USP12: variants seen among roughly 807,000 people sequenced by gnomAD.
USP12 encodes the protein ubiquitin carboxyl-terminal hydrolase 12.
A neutral mutation model predicts 45.5 loss-of-function variants in USP12; 19 were observed. The observed-to-expected ratio is 0.42, with a 90% confidence interval of 0.29 to 0.61. The LOEUF (loss-of-function observed/expected upper bound fraction) is 0.61, where lower values mean the gene tolerates loss of function less well. Ranked by LOEUF, USP12 falls within the 20% of genes least tolerant of loss-of-function variation. USP12 has a pLI of 0.22. For synonymous variants in USP12, 149 were observed against 148.8 expected, an observed-to-expected ratio of 1.00 and a Z score of -0.01; for missense variants, 242 against 447.7, an observed-to-expected ratio of 0.54 and a Z score of 4.15.
intron 1 of USP12, among the ~76,000 whole-genome samples, chr13:27,141,312 G>T (rs1038443455): frequency 2.0e-5 from 3 of 152,048 alleles, no homozygotes; most frequent in African/African-American, 7.2e-5. Flanking sequence ...ACCATGTCCG[G>T]CTGTGAAGTC....
At chr13:27,119,902 G>C (rs1875906616) in intron 1 of USP12, among the ~76,000 whole-genome samples, 1 of 152,242 alleles carries the variant, frequency 6.6e-6, no homozygotes, top group South Asian at 2.1e-4. Context: ...TTCTGCAGAT[G>C]CAGGAGAAGC....
chr13:27,164,101 A>G (rs1183575529), intron 1 of USP12, among the ~76,000 whole-genome samples: 1 of 152,148 alleles, frequency 6.6e-6, no homozygotes, highest in Non-Finnish European at 1.5e-5. Context: ...AAAAAAAAAA[A>G]ATCACTAGCA....
intron 1 of USP12, among the ~76,000 whole-genome samples, chr13:27,167,847 T>TC (rs1320079205): frequency 6.6e-6 from 1 of 152,138 alleles, no homozygotes; most frequent in Non-Finnish European, 1.5e-5. Flanking sequence ...CAGCTTTCCT[T>TC]TTTTTCAGTA....
At chr13:27,097,355 C>T (rs968173109) in intron 3 of USP12, among the ~76,000 whole-genome samples, 2 of 152,156 alleles carry the variant, frequency 1.3e-5, no homozygotes, top group Admixed American at 6.6e-5. Flanking sequence ...ATCCCAGCTA[C>T]TTGGGAAGCT....
Position 27,098,704 on chromosome 13 carries a change from C to T in USP12, c.344-2874G>A, listed in dbSNP as rs9579069. ...CCAGGTATCGATGCCAGGTAAGTAT[C>T]TGTGCATGTACCAAAACAAGCATAA... is the stretch of plus-strand genomic sequence containing the variant. On this transcript the variant is annotated intron_variant, in intron 3 of 8. Transcript: ENST00000282344. 8.9e-4 allele frequency among the ~76,000 whole-genome samples: 135 copies of T among 152,288 alleles called. No individual in the cohort carries two copies. The Middle Eastern group carries it at 0.014, about 15-fold the overall frequency.
chr13:27,091,418 A>G (rs1874307771), intron 4 of USP12, among the ~76,000 whole-genome samples: 1 of 152,200 alleles, frequency 6.6e-6, no homozygotes, highest in African/African-American at 2.4e-5. Flanking sequence ...AAAAACCTAG[A>G]CACAAGGATG....
chr13:27,142,860 C>A (rs976279664), intron 1 of USP12, among the ~76,000 whole-genome samples: 1 of 152,002 alleles, frequency 6.6e-6, no homozygotes, highest in Non-Finnish European at 1.5e-5. Flanking sequence ...TTTGGGAGGC[C>A]GAGGCAGGCT....
chr13:27,142,161 G>A (rs565764703), intron 1 of USP12, among the ~76,000 whole-genome samples: 79 of 152,238 alleles, frequency 5.2e-4, no homozygotes, highest in African/African-American at 1.9e-3. Flanking sequence ...CAATGACAGT[G>A]AAGACAGTGA....
At chr13:27,103,330 G>A (rs1163162562) in intron 3 of USP12, among the ~76,000 whole-genome samples, 1 of 151,928 alleles carries the variant, frequency 6.6e-6, no homozygotes. Flanking sequence ...CAATTCTCAA[G>A]GGAAAATTCA....
At position 27,069,375 on chromosome 13, in the gene USP12, C is replaced by A; in HGVS notation, c.1021G>T (p.Ala341Ser). Residue 341 changes from alanine (A) to serine (S), a missense_variant, in exon 9 of 9, where the codon GCA (alanine) becomes TCA (serine). This residue lies in a region of USP12 where 94 missense variants were observed against 168.3 expected (regional missense o/e 0.56). Coordinates refer to ENST00000282344, the MANE Select transcript of USP12 (RefSeq NM_182488.4). ...FDDDIVEKID[A>S]QAIEEFYGLT... Reference sequence around the variant, plus strand: ...CCGTAGAATTCTTCAATAGCTTGTGCATCTATTTTCTGTGAGGTAAAATGT... The same window carrying A: ...CCGTAGAATTCTTCAATAGCTTGTGAATCTATTTTCTGTGAGGTAAAATGT... 1 of 1,612,810 alleles carries A rather than the reference C, an allele frequency of 6.2e-7. No homozygotes were observed. The highest frequency in any genetic ancestry group is 1.3e-5 in the African/African-American group (1 of 74,996).
intron 1 of USP12, among the ~76,000 whole-genome samples, chr13:27,140,013 C>G (rs1876985757): frequency 6.6e-6 from 1 of 152,218 alleles, no homozygotes; most frequent in Admixed American, 6.5e-5. Flanking sequence ...TAAAACTGCA[C>G]TCCCTACCTG....
At chr13:27,140,863 ACT>A (rs1877020438) in intron 1 of USP12, among the ~76,000 whole-genome samples, 1 of 152,062 alleles carries the variant, frequency 6.6e-6, no homozygotes, top group Non-Finnish European at 1.5e-5. Context: ...AAAATGACAC[ACT>A]AAAATTAGAG....
chr13:27,102,323 T>G (rs1255348091), intron 3 of USP12, among the ~76,000 whole-genome samples: 1 of 152,194 alleles, frequency 6.6e-6, no homozygotes, highest in African/African-American at 2.4e-5. Context: ...CTCCATTTCC[T>G]ACCTGGGTAC....
intron 1 of USP12, among the ~76,000 whole-genome samples, chr13:27,151,501 G>T (rs568193364): frequency 6.6e-6 from 1 of 152,058 alleles, no homozygotes; most frequent in Non-Finnish European, 1.5e-5. Context: ...TTACACCAGG[G>T]CCAGGCAGGG....
chr13:27,110,503 G>T (rs768654526), intron 2 of USP12, among the ~76,000 whole-genome samples: 10 of 152,156 alleles, frequency 6.6e-5, no homozygotes, highest in Admixed American at 2.6e-4. Flanking sequence ...TTTTGAAGAG[G>T]CTTGTGAGAT....
intron 1 of USP12, among the ~76,000 whole-genome samples, chr13:27,117,445 T>G (rs564460473): frequency 6.6e-6 from 1 of 152,146 alleles, no homozygotes; most frequent in African/African-American, 2.4e-5. Context: ...TGATTGCAGC[T>G]GACAGCAGTC....
intron 2 of USP12, among the ~76,000 whole-genome samples, chr13:27,108,958 G>A (rs955379624): frequency 4.0e-5 from 6 of 151,606 alleles, no homozygotes; most frequent in Non-Finnish European, 8.8e-5. Context: ...AGATACATAT[G>A]TGTGTGTGTG....
chr13:27,069,517 A>G (rs371500980), intron 8 of USP12, 133 bp from the exon 9 acceptor site: 52 of 673,692 alleles, frequency 7.7e-5, no homozygotes, highest in African/African-American at 7.6e-4. Flanking sequence ...CACAGCTGGC[A>G]GGGCACACCA....
intron 6 of USP12, among the ~76,000 whole-genome samples, chr13:27,078,788 G>C (rs1873611813): frequency 6.6e-6 from 1 of 151,972 alleles, no homozygotes; most frequent in South Asian, 2.1e-4. Context: ...ATCTTTAACA[G>C]ACTTCTCTCA....
Sources: gnomAD v4.1 joint callset for allele counts (sites outside exome capture counted in the v4.1 genomes callset) on GRCh38, gnomAD v4.1.1 for gene constraint, gnomAD v4.1.1 regional missense constraint, MANE v1.5 for transcripts, NCBI Gene and HGNC (gene_info 2026-07-23, HGNC 2026-07-21) for gene names.